LRRTM4: variants seen among roughly 807,000 people sequenced by gnomAD.
LRRTM4 encodes the protein leucine rich repeat transmembrane neuronal 4.
In LRRTM4, 25 loss-of-function variants were observed where a neutral mutation model predicts 47.6. That is an observed-to-expected ratio of 0.53 (90% CI 0.38 to 0.73). The LOEUF is 0.73. Among genes scored for constraint, LRRTM4 ranks in the 30% least tolerant of loss-of-function variants. LRRTM4 has a pLI of 0.00. For missense variants in LRRTM4, 638 were observed against 713.4 expected, an observed-to-expected ratio of 0.89 and a Z score of 1.20; for synonymous variants, 311 against 269.5, an observed-to-expected ratio of 1.15 and a Z score of -1.51.
chr2:77,231,147 A>T (rs1482884995), intron 3 of LRRTM4, among the ~76,000 whole-genome samples: 1 of 151,954 alleles, frequency 6.6e-6, no homozygotes, highest in Non-Finnish European at 1.5e-5. Flanking sequence ...TCTCTGTTTT[A>T]TTTTTTTAAC....
At chr2:77,250,259 C>A (rs549708123) in intron 3 of LRRTM4, among the ~76,000 whole-genome samples, 2 of 152,192 alleles carry the variant, frequency 1.3e-5, no homozygotes, top group Middle Eastern at 3.4e-3. Flanking sequence ...TAGAATGGCA[C>A]CAAGAGTGGA....
chr2:77,398,415 C>G (rs1673790195), intron 3 of LRRTM4, among the ~76,000 whole-genome samples: 1 of 151,844 alleles, frequency 6.6e-6, no homozygotes, highest in Non-Finnish European at 1.5e-5. Flanking sequence ...GGAGTCTGAG[C>G]TGCATCTTGC....
At chr2:76,808,256 G>A (rs1171374508) in intron 3 of LRRTM4, among the ~76,000 whole-genome samples, 1 of 152,026 alleles carries the variant, frequency 6.6e-6, no homozygotes, top group East Asian at 1.9e-4. Context: ...CTGACTTCGT[G>A]ATCCGCCTGC....
At chr2:76,945,761 G>A (rs1334660448) in intron 3 of LRRTM4, among the ~76,000 whole-genome samples, 3 of 114,256 alleles carry the variant, frequency 2.6e-5, no homozygotes, top group Non-Finnish European at 6.4e-5. Context: ...AGAAGTGTGT[G>A]TGTGTGTGTG....
chr2:76,757,909 T>C (rs770394738), intron 3 of LRRTM4, among the ~76,000 whole-genome samples: 2 of 152,130 alleles, frequency 1.3e-5, no homozygotes, highest in African/African-American at 4.8e-5. Flanking sequence ...ATTTAAGATA[T>C]GTTTGTTTTA....
chr2:77,441,555 T>C (rs961753672), intron 3 of LRRTM4, among the ~76,000 whole-genome samples: 8 of 152,188 alleles, frequency 5.3e-5, no homozygotes, highest in Non-Finnish European at 1.2e-4. Flanking sequence ...TCTGTGAGTC[T>C]CCCTGTTCTC....
chr2:77,064,654 C>A (rs1490535966), intron 3 of LRRTM4, among the ~76,000 whole-genome samples: 33 of 152,150 alleles, frequency 2.2e-4, no homozygotes, highest in Non-Finnish European at 2.9e-5. Context: ...GGGAGTGTAT[C>A]ATCAATCATC....
intron 3 of LRRTM4, among the ~76,000 whole-genome samples, chr2:76,751,025 G>A (rs1441059390): frequency 6.6e-6 from 1 of 152,124 alleles, no homozygotes. Flanking sequence ...GTTCATAAGA[G>A]TTTTGTTTTA....
chr2:77,095,646 C>T (rs192117568), intron 3 of LRRTM4, among the ~76,000 whole-genome samples: 57 of 147,752 alleles, frequency 3.9e-4, no homozygotes, highest in African/African-American at 1.5e-3. Context: ...ACTGAGACTG[C>T]AGGCTCAGTT....
chr2:77,065,457 C>A (rs191487322), intron 3 of LRRTM4, among the ~76,000 whole-genome samples: 2 of 152,278 alleles, frequency 1.3e-5, no homozygotes, highest in Admixed American at 1.3e-4. Context: ...TTATTATCCT[C>A]AGCATCTCAA....
intron 3 of LRRTM4, among the ~76,000 whole-genome samples, chr2:77,422,353 A>G (rs1446403798): frequency 2.0e-5 from 3 of 152,228 alleles, no homozygotes; most frequent in African/African-American, 7.2e-5. Flanking sequence ...GCAAAACACC[A>G]TATAAGCCAT....
chr2:77,321,561 GGT>G (rs1677791586), intron 3 of LRRTM4, among the ~76,000 whole-genome samples: 2 of 97,940 alleles, frequency 2.0e-5, no homozygotes, highest in Non-Finnish European at 3.8e-5. Context: ...GAGGGGGGGG[GGT>G]GTGTGAAAGA....
chr2:77,391,178 G>T (rs1368608286), intron 3 of LRRTM4, among the ~76,000 whole-genome samples: 1 of 151,924 alleles, frequency 6.6e-6, no homozygotes, highest in East Asian at 1.9e-4. Context: ...TAGGACAGAT[G>T]AAAGCTTTAT....
intron 3 of LRRTM4, among the ~76,000 whole-genome samples, chr2:77,341,090 C>T (rs766404244): frequency 4.0e-5 from 6 of 151,786 alleles, no homozygotes; most frequent in South Asian, 2.1e-4. Flanking sequence ...CAGAAGAGTC[C>T]GTTTACTCAA....
chr2:77,326,508 C>T (rs544085357), intron 3 of LRRTM4, among the ~76,000 whole-genome samples: 1 of 152,252 alleles, frequency 6.6e-6, no homozygotes, highest in Admixed American at 6.5e-5. Flanking sequence ...TCCCTCCCAC[C>T]TCAGCCTCCT....
At chr2:77,378,246 T>C (rs1672912142) in intron 3 of LRRTM4, among the ~76,000 whole-genome samples, 1 of 152,192 alleles carries the variant, frequency 6.6e-6, no homozygotes, top group African/African-American at 2.4e-5. Flanking sequence ...TTAGTCTCTA[T>C]ATTTCAAATC....
chr2:77,366,873 G>A (rs755487717), intron 3 of LRRTM4, among the ~76,000 whole-genome samples: 3 of 151,690 alleles, frequency 2.0e-5, no homozygotes, highest in African/African-American at 4.8e-5. Flanking sequence ...TGTGTTGGTC[G>A]TTTAGCCCCC....
intron 3 of LRRTM4, among the ~76,000 whole-genome samples, chr2:76,755,495 A>G (rs1672995976): frequency 6.6e-6 from 1 of 152,114 alleles, no homozygotes; most frequent in African/African-American, 2.4e-5. Context: ...CCAAACCAAA[A>G]CTCTTAGAAA....
chr2:77,244,557 G>A (rs1256847175), intron 3 of LRRTM4, among the ~76,000 whole-genome samples: 1 of 152,120 alleles, frequency 6.6e-6, no homozygotes, highest in African/African-American at 2.4e-5. Context: ...ATGGAAGGCA[G>A]CTTCAGAAAT....
Sources: gnomAD v4.1 joint callset for allele counts (sites outside exome capture counted in the v4.1 genomes callset) on GRCh38, gnomAD v4.1.1 for gene constraint, MANE v1.5 for transcripts, NCBI Gene and HGNC (gene_info 2026-07-23, HGNC 2026-07-21) for gene names.